Variants in CHD9 observed in about 807,000 individuals in gnomAD.
CHD9 encodes ATP-dependent chromatin remodeler CHD9.
CHD9 carries 77 observed loss-of-function variants against 316.1 expected under a neutral mutation model. The ratio of observed to expected loss-of-function variants is 0.24; its 90% CI spans 0.20 to 0.29. CHD9 has a LOEUF of 0.29. Ranked by LOEUF, CHD9 falls within the 10% of genes least tolerant of loss-of-function variation. CHD9 has a pLI of 1.00. For missense variants in CHD9, 2,763 were observed against 3,438.1 expected, an observed-to-expected ratio of 0.80 and a Z score of 4.91; for synonymous variants, 1,129 against 1,158.3, an observed-to-expected ratio of 0.97 and a Z score of 0.51.
chr16:53,071,187 G>A (rs917129099), intron 1 of CHD9, among the ~76,000 whole-genome samples: 2 of 152,138 alleles, frequency 1.3e-5, no homozygotes, highest in Non-Finnish European at 2.9e-5. Flanking sequence ...AGTTTTTGGT[G>A]TAGAAGACGT....
Position 53,305,358 on chromosome 16 carries a change from G to A in CHD9, c.6619+733G>A, listed in dbSNP as rs140709900. On this transcript the variant is annotated intron_variant, in intron 31 of 38. Transcript: ENST00000447540. ...TTACAGGCATAAGCCACCACACCTGGCCTGTTTGCTTAAGTTTTATATATA... is the reference window on the plus strand; with the variant it reads ...TTACAGGCATAAGCCACCACACCTGACCTGTTTGCTTAAGTTTTATATATA... Among the ~76,000 whole-genome samples, 359 of 152,316 alleles carry A rather than the reference G, an allele frequency of 2.4e-3. 3 individuals carry two copies. The highest frequency in any genetic ancestry group is 8.0e-3 in the African/African-American group (331 of 41,574).
intron 1 of CHD9, among the ~76,000 whole-genome samples, chr16:53,101,337 CAATCACAGCTCACTGCAGCCTCA>C (rs1596989418): frequency 6.9e-6 from 1 of 143,956 alleles, no homozygotes; most frequent in South Asian, 2.2e-4. Context: ...TGCATCGGTG[CAATCACAGCTCACTGCAGCCTCA>C]AATTCCCATA....
chr16:53,167,423 G>A (rs2152770385), intron 2 of CHD9, among the ~76,000 whole-genome samples: 1 of 152,224 alleles, frequency 6.6e-6, no homozygotes, highest in Non-Finnish European at 1.5e-5. Context: ...AGAGAAAATT[G>A]TCCTACTTTC....
intron 2 of CHD9, among the ~76,000 whole-genome samples, chr16:53,205,436 A>G (rs952680318): frequency 2.6e-5 from 4 of 152,132 alleles, no homozygotes; most frequent in African/African-American, 9.7e-5. Context: ...CCAAAAATAC[A>G]ATTAAGTAGA....
chr16:53,194,792 A>G (rs539088134), intron 2 of CHD9, among the ~76,000 whole-genome samples: 1 of 152,324 alleles, frequency 6.6e-6, no homozygotes, highest in East Asian at 1.9e-4. Context: ...GGTAATTCTC[A>G]GGCCTCTTTC....
chr16:53,092,292 A>AC (rs1017464442), intron 1 of CHD9, among the ~76,000 whole-genome samples: 1 of 59,880 alleles, frequency 1.7e-5, no homozygotes, highest in Non-Finnish European at 3.6e-5. Flanking sequence ...ACCTTCTTCC[A>AC]CCCATTTCTA....
chr16:53,143,349 T>TTTATC (rs1275776903), intron 1 of CHD9, among the ~76,000 whole-genome samples: 3 of 144,304 alleles, frequency 2.1e-5, no homozygotes, highest in Non-Finnish European at 4.5e-5. Flanking sequence ...TTATTTTTAT[T>TTTATC]TTATCTTATT....
rs970837138 is a variant in CHD9, at chr16:53,326,086, A to T, written c.*1191A>T. 1 of 152,558 alleles carries T rather than the reference A, an allele frequency of 6.6e-6. No homozygotes were observed. Among genetic ancestry groups the T allele is most frequent in the African/African-American group, 2.4e-5 (1 of 41,466 alleles). 9.5% of individuals were successfully genotyped at this position (152,558 alleles called of 1,614,324 possible). On this transcript the variant is annotated 3_prime_UTR_variant, in exon 39 of 39. Transcript: ENST00000447540. ...GTACAAGTTATACCTGTAAACCACAAAAGTGAAGCCTGAGGCTTCTGTTCA... is the reference window on the plus strand; with the variant it reads ...GTACAAGTTATACCTGTAAACCACATAAGTGAAGCCTGAGGCTTCTGTTCA...
intron 1 of CHD9, among the ~76,000 whole-genome samples, chr16:53,105,004 CAAAA>C (rs555506577): frequency 6.8e-6 from 1 of 148,070 alleles, no homozygotes; most frequent in Non-Finnish European, 1.5e-5. Flanking sequence ...AACAAAAAAA[CAAAA>C]AAAACACAAA....
At chr16:53,273,108 C>A (rs75817441) in intron 22 of CHD9, among the ~76,000 whole-genome samples, 16 of 150,478 alleles carry the variant, frequency 1.1e-4, no homozygotes, top group African/African-American at 2.2e-4. Flanking sequence ...AACAAAACAA[C>A]AAAAAAAAAC....
intron 12 of CHD9, among the ~76,000 whole-genome samples, 194 bp from the exon 13 acceptor site, chr16:53,242,646 G>A (rs921047309): frequency 2.6e-5 from 4 of 152,204 alleles, no homozygotes; most frequent in African/African-American, 9.6e-5. Flanking sequence ...TTGGCATAAT[G>A]TTTAACAAGA....
intron 1 of CHD9, among the ~76,000 whole-genome samples, chr16:53,097,267 G>C (rs537946649): frequency 6.6e-6 from 1 of 152,254 alleles, no homozygotes; most frequent in East Asian, 1.9e-4. Context: ...GCAGACTTGA[G>C]AACTCTCGCT....
intron 7 of CHD9, among the ~76,000 whole-genome samples, chr16:53,227,917 C>T (rs2047791683): frequency 6.6e-6 from 1 of 151,832 alleles, no homozygotes; most frequent in African/African-American, 2.4e-5. Flanking sequence ...AACCTCATCT[C>T]TACTAAAAAT....
chr16:53,260,967 A>G (rs1335571071), intron 19 of CHD9, among the ~76,000 whole-genome samples: 4 of 152,130 alleles, frequency 2.6e-5, no homozygotes. Flanking sequence ...GACAAAACTC[A>G]CAAGGTTCCA....
At chr16:53,096,875 G>A (rs2036420966) in intron 1 of CHD9, among the ~76,000 whole-genome samples, 1 of 152,050 alleles carries the variant, frequency 6.6e-6, no homozygotes, top group African/African-American at 2.4e-5. Flanking sequence ...GGGGCTGAGT[G>A]TGCTAACATG....
At chr16:53,105,887 G>A (rs1349580864) in intron 1 of CHD9, among the ~76,000 whole-genome samples, 2 of 150,940 alleles carry the variant, frequency 1.3e-5, no homozygotes, top group Admixed American at 6.6e-5. Context: ...GCAATAGCGC[G>A]GTCTTGGTCA....
At chr16:53,271,751 A>T (rs188899343) in intron 22 of CHD9, among the ~76,000 whole-genome samples, 8 of 152,132 alleles carry the variant, frequency 5.3e-5, no homozygotes, top group African/African-American at 1.4e-4. Flanking sequence ...GCAGAAGCCT[A>T]TAAATTATAA....
intron 1 of CHD9, among the ~76,000 whole-genome samples, chr16:53,146,784 G>A (rs1375985703): frequency 7.0e-6 from 1 of 143,884 alleles, no homozygotes; most frequent in Non-Finnish European, 1.5e-5. Context: ...GGGGGACAGA[G>A]TGAGACGGTC....
chr16:53,209,388 C>T, intron 2 of CHD9, 94 bp from the exon 3 acceptor site: 121 of 869,902 alleles, frequency 1.4e-4, no homozygotes, highest in South Asian at 5.8e-4. Flanking sequence ...GTAATTTTAC[C>T]TCTCTAAACA....
Sources: gnomAD v4.1 joint callset for allele counts (sites outside exome capture counted in the v4.1 genomes callset) on GRCh38, gnomAD v4.1.1 for gene constraint, MANE v1.5 for transcripts, NCBI Gene and HGNC (gene_info 2026-07-23, HGNC 2026-07-21) for gene names.